The following LRMDA variants were observed in gnomAD, a reference collection of about 807,000 sequenced individuals.
LRMDA encodes leucine rich melanocyte differentiation associated.
In LRMDA, 18 loss-of-function variants were observed where a neutral mutation model predicts 29.8. That is an observed-to-expected ratio of 0.60 (90% CI 0.42 to 0.90). The LOEUF is 0.90. Among genes scored for constraint, LRMDA ranks in the 40% least tolerant of loss-of-function variants. The pLI is 0.00. For synonymous variants in LRMDA, 125 were observed against 109.4 expected, an observed-to-expected ratio of 1.14 and a Z score of -0.89; for missense variants, 273 against 273.9, an observed-to-expected ratio of 1.00 and a Z score of 0.02.
intron 6 of LRMDA, chr10:76,403,145 T>A (rs1285016076): frequency 6.6e-6 from 1 of 151,712 alleles, no homozygotes; most frequent in Non-Finnish European, 1.5e-5. Flanking sequence ...TATAGTCTCC[T>A]GCTTGTGCTT....
At chr10:76,392,916 A>G (rs1025203652) in intron 6 of LRMDA, among the ~76,000 whole-genome samples, 1 of 152,128 alleles carries the variant, frequency 6.6e-6, no homozygotes, top group African/African-American at 2.4e-5. Flanking sequence ...TTTAGGATCC[A>G]CATATAAGTG....
At chr10:76,397,132 A>G (rs1471858742) in intron 6 of LRMDA, among the ~76,000 whole-genome samples, 1 of 152,174 alleles carries the variant, frequency 6.6e-6, no homozygotes, top group African/African-American at 2.4e-5. Context: ...CAGGGGGCAG[A>G]TGGGAAGTCT....
intron 5 of LRMDA, among the ~76,000 whole-genome samples, chr10:76,258,910 A>C (rs1405880706): frequency 1.3e-5 from 2 of 152,180 alleles, no homozygotes; most frequent in Admixed American, 1.3e-4. Context: ...TATTGTGAAT[A>C]GTGCTGCAAT....
intron 6 of LRMDA, among the ~76,000 whole-genome samples, chr10:76,328,709 A>G (rs942407831): frequency 2.6e-5 from 4 of 152,226 alleles, no homozygotes; most frequent in African/African-American, 9.6e-5. Context: ...GAGCTACAGC[A>G]TCCCACTTGC....
At chr10:76,282,090 C>T (rs1009359238) in intron 5 of LRMDA, among the ~76,000 whole-genome samples, 1 of 152,204 alleles carries the variant, frequency 6.6e-6, no homozygotes, top group Admixed American at 6.5e-5. Flanking sequence ...TCAAATTCCA[C>T]ATAAATATAT....
At chr10:75,501,691 A>G (rs1845115615) in intron 2 of LRMDA, among the ~76,000 whole-genome samples, 1 of 152,266 alleles carries the variant, frequency 6.6e-6, no homozygotes, top group Admixed American at 6.5e-5. Flanking sequence ...CACTACAAAT[A>G]TACATAACCG....
intron 2 of LRMDA, among the ~76,000 whole-genome samples, chr10:75,797,962 C>T (rs1038755656): frequency 6.6e-6 from 1 of 152,176 alleles, no homozygotes; most frequent in African/African-American, 2.4e-5. Context: ...AATTTCTCTA[C>T]ATCCCCCCAA....
chr10:75,618,368 CTCTCTCTCTCTCTCTATATA>C (rs1564523650), intron 2 of LRMDA, among the ~76,000 whole-genome samples: 1 of 54,964 alleles, frequency 1.8e-5, no homozygotes, highest in African/African-American at 5.2e-5. Context: ...CTCTCTCTCT[CTCTCTCTCTCTCTCTATATA>C]TATATATATA....
At chr10:76,388,613 A>T (rs1318750488) in intron 6 of LRMDA, among the ~76,000 whole-genome samples, 2 of 152,224 alleles carry the variant, frequency 1.3e-5, no homozygotes, top group Non-Finnish European at 1.5e-5. Flanking sequence ...CAGAAGCTGC[A>T]TCAGAAGTTT....
chr10:75,629,119 A>G (rs1432829798), intron 2 of LRMDA, among the ~76,000 whole-genome samples: 5 of 152,180 alleles, frequency 3.3e-5, no homozygotes, highest in Non-Finnish European at 7.4e-5. Flanking sequence ...GCCACAGAGC[A>G]CTCAGTTACC....
intron 6 of LRMDA, among the ~76,000 whole-genome samples, chr10:76,336,091 AT>A (rs979490696): frequency 8.4e-6 from 1 of 119,356 alleles, no homozygotes; most frequent in Non-Finnish European, 1.6e-5. Flanking sequence ...TAGGGTGTGG[AT>A]TGGCAAGGGA....
At chr10:76,212,669 G>A (rs970959755) in intron 5 of LRMDA, among the ~76,000 whole-genome samples, 1 of 152,158 alleles carries the variant, frequency 6.6e-6, no homozygotes, top group Non-Finnish European at 1.5e-5. Context: ...TGCATTATTT[G>A]TTGTCATTTG....
Position 75,466,944 on chromosome 10 carries a change from G to GT in LRMDA, c.131+28461dup, listed in dbSNP as rs145115863. Among the ~76,000 whole-genome samples, 199 of 147,716 alleles carry GT rather than the reference G, an allele frequency of 1.3e-3. 6 individuals carry two copies. The East Asian group carries it at 0.014, about 10-fold the overall frequency. ...AATAGGTTTAGTTGGTGATTTAGCA[G>GT]TTTTTTTTTTTCCAGTGACTCAGTT... On this transcript the variant is annotated intron_variant, in intron 2 of 6. Transcript: ENST00000611255.
intron 2 of LRMDA, among the ~76,000 whole-genome samples, chr10:75,640,763 A>G (rs1322060673): frequency 2.0e-5 from 3 of 152,180 alleles, no homozygotes; most frequent in African/African-American, 7.2e-5. Flanking sequence ...TGTTGAGTTC[A>G]AAGGGAAGCT....
At chr10:75,734,472 C>T (rs535602538) in intron 2 of LRMDA, among the ~76,000 whole-genome samples, 1 of 152,180 alleles carries the variant, frequency 6.6e-6, no homozygotes, top group Admixed American at 6.5e-5. Flanking sequence ...GGTCTCGGTC[C>T]CTACTGTTTA....
intron 2 of LRMDA, among the ~76,000 whole-genome samples, chr10:75,502,426 A>ATT (rs5786178): frequency 2.4e-3 from 353 of 148,618 alleles, no homozygotes; most frequent in South Asian, 5.4e-3. Flanking sequence ...TGCCTTTTAG[A>ATT]TTTTTTTTTT....
intron 2 of LRMDA, among the ~76,000 whole-genome samples, chr10:75,639,657 C>T (rs544843989): frequency 7.4e-4 from 113 of 152,326 alleles, no homozygotes; most frequent in Non-Finnish European, 1.4e-3. Context: ...AGCCCCCTCC[C>T]GCCCTGTGCT....
At position 76,203,558 on chromosome 10, in the gene LRMDA, T is replaced by C. The variant is rs149874165; in HGVS notation, c.517-120843T>C. Among the ~76,000 whole-genome samples, 146 of 152,366 alleles carry C rather than the reference T, an allele frequency of 9.6e-4. 2 individuals are homozygous for C. The East Asian group carries it at 0.026, about 27-fold the overall frequency. On this transcript the variant is annotated intron_variant, in intron 5 of 6. Transcript: ENST00000611255. ...GTGATTCGGAGAAGACATTGTGAAA[T>C]ACTTACTGGGTTTATGGCAGAGGAC...
rs1277461076 is a variant in LRMDA at position 76,295,025 on chromosome 10, G to A, written c.517-29376G>A. Reference sequence around the variant, plus strand: ...GAGGCACTAGGCTGTTGAGTGTTACGGAAATATTTGGCATAGAATAGAGGA... The same window carrying A: ...GAGGCACTAGGCTGTTGAGTGTTACAGAAATATTTGGCATAGAATAGAGGA... On this transcript the variant is annotated intron_variant, in intron 5 of 6. Transcript: ENST00000611255. Among the ~76,000 whole-genome samples, 8 of 152,108 alleles carry A rather than the reference G, an allele frequency of 5.3e-5. No homozygotes were observed. In the South Asian group the frequency reaches 6.2e-4, roughly 12 times the overall value.
Sources: gnomAD v4.1 joint callset for allele counts (sites outside exome capture counted in the v4.1 genomes callset) on GRCh38, gnomAD v4.1.1 for gene constraint, MANE v1.5 for transcripts, NCBI Gene and HGNC (gene_info 2026-07-23, HGNC 2026-07-21) for gene names.